FLI1: variants seen among roughly 807,000 people sequenced by gnomAD.
FLI1 encodes Friend leukemia integration 1 transcription factor.
In FLI1, 13 loss-of-function variants were observed where a neutral mutation model predicts 53.1. That is an observed-to-expected ratio of 0.24 (90% CI 0.16 to 0.39). The LOEUF (loss-of-function observed/expected upper bound fraction) is 0.39, where lower values mean the gene tolerates loss of function less well. Among genes scored for constraint, FLI1 ranks in the 10% least tolerant of loss-of-function variants. The pLI is 1.00. For missense variants in FLI1, 424 were observed against 600.5 expected (o/e 0.71, Z 3.07); for synonymous variants, 244 against 236.7 (o/e 1.03, Z -0.28).
intron 1 of FLI1, among the ~76,000 whole-genome samples, chr11:128,742,688 C>T (rs1357135227): frequency 1.3e-5 from 2 of 152,200 alleles, no homozygotes; most frequent in Non-Finnish European, 1.5e-5. Context: ...ACAGTGCCAG[C>T]GTCACAGTCA....
intron 1 of FLI1, among the ~76,000 whole-genome samples, chr11:128,731,984 C>G (rs1311947469): frequency 7.0e-6 from 1 of 143,266 alleles, no homozygotes; most frequent in Non-Finnish European, 1.5e-5. Context: ...GGCTGGTGGA[C>G]AGAGCGAGAC....
chr11:128,736,691 A>G (rs1423847086), intron 1 of FLI1, among the ~76,000 whole-genome samples: 1 of 152,222 alleles, frequency 6.6e-6, no homozygotes, highest in Non-Finnish European at 1.5e-5. Context: ...TGTATATATA[A>G]TCAACAGAAA....
At chr11:128,721,536 C>T (rs1360651844) in intron 1 of FLI1, among the ~76,000 whole-genome samples, 3 of 152,330 alleles carry the variant, frequency 2.0e-5, no homozygotes, top group Admixed American at 1.3e-4. Context: ...ATGGTTCAGT[C>T]TCACAGTCCA....
intron 1 of FLI1, among the ~76,000 whole-genome samples, chr11:128,722,364 A>T (rs1939290250): frequency 6.6e-6 from 1 of 152,142 alleles, no homozygotes. Context: ...CAGGAGGAGG[A>T]TGTTCAGGCA....
intron 5 of FLI1, among the ~76,000 whole-genome samples, chr11:128,795,529 T>TCAG: frequency 1.3e-5 from 2 of 151,936 alleles, no homozygotes; most frequent in Non-Finnish European, 2.9e-5. Context: ...CAGCTAGAGT[T>TCAG]CTGTAGGATG....
intron 3 of FLI1, among the ~76,000 whole-genome samples, chr11:128,769,848 G>A (rs1190028409): frequency 6.6e-6 from 1 of 152,238 alleles, no homozygotes; most frequent in Non-Finnish European, 1.5e-5. Flanking sequence ...TAGCCCAGGT[G>A]TATCGTCTCC....
rs56016902 is a variant in FLI1 at position 128,722,339 on chromosome 11, G to A, written c.18+28063G>A. Among the ~76,000 whole-genome samples, 848 of 152,294 alleles carry A rather than the reference G, an allele frequency of 5.6e-3. 7 individuals carry two copies. The highest frequency in any genetic ancestry group is 0.02 in the African/African-American group (820 of 41,566). On this transcript the variant is annotated intron_variant, in intron 1 of 8. Coordinates refer to ENST00000527786, the MANE Select transcript of FLI1 (RefSeq NM_002017.5). ...TGACAAGGTCAAGGGATGCTTCTCG[G>A]AGAAGGGAGAAGGGCAGGAGGAGGA...
chr11:128,762,650 C>T (rs890187309), intron 2 of FLI1, among the ~76,000 whole-genome samples: 6 of 152,140 alleles, frequency 3.9e-5, no homozygotes, highest in Admixed American at 2.6e-4. Flanking sequence ...AATCTGGCTA[C>T]TAGTAAATTT....
At position 128,811,146 on chromosome 11, in the gene FLI1, T is replaced by G. The variant is rs1052472890; in HGVS notation, c.*158T>G. 2.8e-6 allele frequency: 2 copies of G among 707,282 alleles called. No individual in the cohort carries two copies. Among genetic ancestry groups the G allele is most frequent in the Admixed American group, 5.9e-5 (2 of 33,810 alleles). The allele number at this position is 707,282 out of a possible 1,614,324, so 43.8% of individuals were successfully genotyped here. On this transcript the variant is annotated 3_prime_UTR_variant, in exon 9 of 9. Coordinates refer to ENST00000527786, the MANE Select transcript of FLI1 (RefSeq NM_002017.5). Reference sequence around the variant, plus strand: ...TGTATTTGTTCTTTAAAAACATTTTTTTTAATGTTGGTAACTTTTGCTTCC... The same window carrying G: ...TGTATTTGTTCTTTAAAAACATTTTGTTTAATGTTGGTAACTTTTGCTTCC...
intron 1 of FLI1, among the ~76,000 whole-genome samples, chr11:128,755,205 T>A (rs1940814339): frequency 6.6e-6 from 1 of 152,200 alleles, no homozygotes; most frequent in South Asian, 2.1e-4. Flanking sequence ...CTATGGAGCA[T>A]CACTGTGCCC....
intron 4 of FLI1, among the ~76,000 whole-genome samples, chr11:128,780,952 A>G (rs1941896809): frequency 6.6e-6 from 1 of 152,246 alleles, no homozygotes; most frequent in Non-Finnish European, 1.5e-5. Context: ...AATGGCAAAA[A>G]TGCCTAAGTT....
rs755726847 is a variant in FLI1, at chr11:128,782,067, G to C, written c.655+44G>C. 7 of 1,458,516 alleles carry C rather than the reference G, an allele frequency of 4.8e-6. No homozygotes were observed. The East Asian group carries it at 1.4e-4, about 28-fold the overall frequency. The allele number at this position is 1,458,516 out of a possible 1,614,324, so 90.3% of individuals were successfully genotyped here. On this transcript the variant is annotated intron_variant, in intron 5 of 8. Coordinates refer to ENST00000527786, the MANE Select transcript of FLI1 (RefSeq NM_002017.5). ...GCACTTAAAATTTTCTTCTGTACCA[G>C]ACATGACACAGGCCCATGCTGTTAA...
chr11:128,748,614 C>T (rs1472876270), intron 1 of FLI1, among the ~76,000 whole-genome samples: 3 of 150,832 alleles, frequency 2.0e-5, no homozygotes, highest in Admixed American at 1.3e-4. Context: ...GCCTGGGCGA[C>T]AAGAGTGAAA....
At position 128,768,376 on chromosome 11, in the gene FLI1, G is replaced by A. The variant is rs1448819469; in HGVS notation, c.385+104G>A. On this transcript the variant is annotated intron_variant, in intron 3 of 8. Coordinates refer to ENST00000527786, the MANE Select transcript of FLI1 (RefSeq NM_002017.5). ...CTGATACTCTATTCCCTGTGGAATT[G>A]CAAAATGGAGAAAGCTGCACGCCAG... 7 of 1,432,316 alleles carry A rather than the reference G, an allele frequency of 4.9e-6. No homozygotes were observed. In the East Asian group the frequency reaches 1.4e-4, roughly 29 times the overall value. 88.7% of individuals were successfully genotyped at this position (1,432,316 alleles called of 1,614,324 possible).
At chr11:128,752,079 G>A (rs577298381) in intron 1 of FLI1, among the ~76,000 whole-genome samples, 3 of 151,436 alleles carry the variant, frequency 2.0e-5, no homozygotes, top group African/African-American at 7.3e-5. Flanking sequence ...GGGTTCAATC[G>A]ATTCTCCTGC....
At chr11:128,748,218 T>C in intron 1 of FLI1, 7 of 971,066 alleles carry the variant, frequency 7.2e-6, no homozygotes, top group Non-Finnish European at 8.6e-6. Context: ...CTGCAAATAA[T>C]TGCAATTGCA....
At chr11:128,688,686 T>G (rs980403991) in intron 1 of FLI1, among the ~76,000 whole-genome samples, 3 of 148,092 alleles carry the variant, frequency 2.0e-5, no homozygotes, top group Admixed American at 6.7e-5. Context: ...CACAGAGAGG[T>G]AAAGGAGGTA....
intron 1 of FLI1, among the ~76,000 whole-genome samples, chr11:128,706,119 T>G (rs1938537646): frequency 6.6e-6 from 1 of 152,216 alleles, no homozygotes; most frequent in African/African-American, 2.4e-5. Flanking sequence ...TTTAACCTTT[T>G]GTTACCTGAG....
chr11:128,689,138 CT>C (rs1937642752), upstream of FLI1, among the ~76,000 whole-genome samples: 1 of 152,140 alleles, frequency 6.6e-6, no homozygotes, highest in Non-Finnish European at 1.5e-5. Context: ...TGTTCAAGCC[CT>C]CAGAGCTAGT....
Sources: allele counts gnomAD v4.1 joint callset (sites outside exome capture counted in the v4.1 genomes callset), GRCh38; gene constraint gnomAD v4.1.1; transcripts MANE v1.5; gene names NCBI Gene and HGNC (gene_info 2026-07-23, HGNC 2026-07-21).